EVC2: variants seen among roughly 807,000 people sequenced by gnomAD.
EVC2 encodes limbin.
EVC2 carries 148 observed loss-of-function variants against 149.3 expected under a neutral mutation model. The ratio of observed to expected loss-of-function variants is 0.99; its 90% confidence interval spans 0.87 to 1.14. EVC2 has a LOEUF of 1.14. EVC2 is among the 50% of genes most tolerant of loss of function. EVC2 has a pLI of 0.00. For synonymous variants in EVC2, 776 were observed against 649.9 expected (o/e 1.19, Z -2.95); for missense variants, 1,854 against 1,627.3 (o/e 1.14, Z -2.40).
In EVC2 at chr4:5,580,936, A is replaced by G. The variant is rs1711708937; in HGVS notation, c.3057+3687T>C. On this transcript the variant is annotated intron_variant, in intron 17 of 21. Transcript: ENST00000344408. ...GATCTTATGATAGTGAGTGAGTTGTAGTGAGATCTGGTTGTTTAAAACTGT... is the reference window on the plus strand; with the variant it reads ...GATCTTATGATAGTGAGTGAGTTGTGGTGAGATCTGGTTGTTTAAAACTGT... Among the ~76,000 whole-genome samples the G allele has an allele frequency of 2.0e-5, 3 of 152,136 alleles. 1 individual carries two copies. In the South Asian group the frequency reaches 6.2e-4, roughly 31 times the overall value.
downstream of EVC2, among the ~76,000 whole-genome samples, chr4:5,538,669 T>C (rs1437224796): frequency 1.3e-5 from 2 of 152,332 alleles, no homozygotes; most frequent in African/African-American, 4.8e-5. Flanking sequence ...TGATTTAATA[T>C]TTTTTAAAAA....
Position 5,574,711 on chromosome 4 carries a change from C to T in EVC2, c.3334G>A (p.Asp1112Asn). ...LEDLLENMEA[D>N]TFATLCSQEL... ...TGGCTGCACAGGGTTGCAAAGGTGT[C>T]TGCCTCCATGTTTTCCAACAAGTCT... The change falls in exon 19 of 22, where the codon GAC becomes AAC. Residue 1112 changes from aspartate (D) to asparagine (N), a missense_variant. Coordinates refer to ENST00000344408, the MANE Select transcript of EVC2 (RefSeq NM_147127.5). 6.2e-7 allele frequency: 1 copy of T among 1,614,198 alleles called. No individual in the cohort carries two copies. The highest frequency in any genetic ancestry group is 1.1e-5 in the South Asian group (1 of 91,084).
chr4:5,579,226 C>A (rs897282825), intron 17 of EVC2, among the ~76,000 whole-genome samples: 1 of 152,076 alleles, frequency 6.6e-6, no homozygotes, highest in Admixed American at 6.6e-5. Flanking sequence ...GGAACATGGG[C>A]TTTGGAGGCA....
At chr4:5,559,831 A>G (rs1013991555), downstream of EVC2, among the ~76,000 whole-genome samples, 6 of 152,178 alleles carry the variant, frequency 3.9e-5, no homozygotes, top group African/African-American at 1.4e-4. This position sits in a 1 kb window ranked among gnomAD's most constrained non-coding sequence, Gnocchi z 5.0. Context: ...TCTCCCATGC[A>G]GAATTCCAAA....
At chr4:5,619,803 C>T (rs1715546903) in intron 14 of EVC2, among the ~76,000 whole-genome samples, 1 of 152,170 alleles carries the variant, frequency 6.6e-6, no homozygotes, top group Non-Finnish European at 1.5e-5. Flanking sequence ...TTCTGGCCCA[C>T]AAGATGTAAG....
At chr4:5,585,638 T>C (rs2097398274) in intron 16 of EVC2, among the ~76,000 whole-genome samples, 1 of 152,122 alleles carries the variant, frequency 6.6e-6, no homozygotes, top group South Asian at 2.1e-4. Context: ...CTGCACATAT[T>C]TACAGTACAC....
chr4:5,632,277 G>A (rs1468675983), intron 10 of EVC2, among the ~76,000 whole-genome samples: 1 of 152,066 alleles, frequency 6.6e-6, no homozygotes, highest in South Asian at 2.1e-4. Context: ...ACGCACACAT[G>A]GGCACACACA....
At chr4:5,688,752 G>T (rs1418823706) in intron 5 of EVC2, among the ~76,000 whole-genome samples, 1 of 152,116 alleles carries the variant, frequency 6.6e-6, no homozygotes, top group Non-Finnish European at 1.5e-5. Flanking sequence ...CTCCCACTCT[G>T]TCCGGCACAA....
chr4:5,634,480 G>A (rs912328713), intron 10 of EVC2, among the ~76,000 whole-genome samples: 1 of 152,126 alleles, frequency 6.6e-6, no homozygotes, highest in Non-Finnish European at 1.5e-5. Context: ...ATGAAATACG[G>A]GGTAATTTCC....
rs368346258 is a variant in EVC2, at chr4:5,610,112, G to T, written c.2829+5310C>A. Among the ~76,000 whole-genome samples the T allele has an allele frequency of 4.6e-4, 70 of 152,230 alleles. No individual in the cohort carries two copies. In the East Asian group the frequency reaches 9.9e-3, roughly 21 times the overall value. On this transcript the variant is annotated intron_variant, in intron 16 of 21. Coordinates refer to ENST00000344408, the MANE Select transcript of EVC2 (RefSeq NM_147127.5). ...AATGACAGTGGCACTTCTGTTACAG[G>T]CTGTGTGAGGATTAGAGTGGATAGA... is the stretch of plus-strand genomic sequence containing the variant.
intron 21 of EVC2, among the ~76,000 whole-genome samples, chr4:5,551,090 A>C (rs1721727506): frequency 1.3e-5 from 2 of 152,210 alleles, no homozygotes; most frequent in Non-Finnish European, 2.9e-5. Context: ...GCAGTGTGAA[A>C]GGAAAATGTG....
intron 9 of EVC2, among the ~76,000 whole-genome samples, chr4:5,653,997 T>C (rs1432907241): frequency 6.6e-6 from 1 of 152,156 alleles, no homozygotes; most frequent in African/African-American, 2.4e-5. Context: ...GCGGATCACC[T>C]GAGGTAAGGA....
At chr4:5,535,166 G>A in the EVC2 span, among the ~76,000 whole-genome samples, 10 of 152,174 alleles carry the variant, frequency 6.6e-5, no homozygotes, top group East Asian at 1.9e-4. This position sits in a 1 kb window ranked among gnomAD's most constrained non-coding sequence, Gnocchi z 4.7. Flanking sequence ...ACCGCCCATC[G>A]CCATCTCCAG....
At chr4:5,660,311 A>G (rs1360526763) in intron 9 of EVC2, among the ~76,000 whole-genome samples, 1 of 152,190 alleles carries the variant, frequency 6.6e-6, no homozygotes, top group Non-Finnish European at 1.5e-5. Flanking sequence ...CTCTGTGAGG[A>G]AGGAGCACCC....
Position 5,677,474 on chromosome 4 carries a change from G to A in EVC2, c.870+3786C>T, listed in dbSNP as rs1011040373. ...GGCTGAAATCCAGCCCCAGCTCCAC[G>A]GCCAGGACTTGCATCCACAGGTCTG... On this transcript the variant is annotated intron_variant, in intron 7 of 21. Coordinates refer to ENST00000344408, the MANE Select transcript of EVC2 (RefSeq NM_147127.5). The surrounding 1 kb of genome is among the most constrained non-coding windows in gnomAD (Gnocchi z 4.3). Among the ~76,000 whole-genome samples, 26 of 152,170 alleles carry A rather than the reference G, an allele frequency of 1.7e-4. No individual in the cohort carries two copies. Among genetic ancestry groups the A allele is most frequent in the Non-Finnish European group, 3.7e-4 (25 of 68,030 alleles).
At chr4:5,603,012 ATTAT>A (rs1219698363) in intron 16 of EVC2, among the ~76,000 whole-genome samples, 1 of 152,188 alleles carries the variant, frequency 6.6e-6, no homozygotes, top group East Asian at 1.9e-4. Context: ...GCCTTGTAGA[ATTAT>A]TTGACTGTTT....
At chr4:5,550,742 C>T (rs1303928521) in intron 21 of EVC2, among the ~76,000 whole-genome samples, 2 of 152,198 alleles carry the variant, frequency 1.3e-5, no homozygotes, top group Admixed American at 6.5e-5. Context: ...TCACAGCAGC[C>T]CCTACCATCA....
intron 6 of EVC2, among the ~76,000 whole-genome samples, chr4:5,682,934 C>G (rs1424635139): frequency 6.6e-6 from 1 of 151,890 alleles, no homozygotes; most frequent in African/African-American, 2.4e-5. Flanking sequence ...CCATGTAATT[C>G]TCATTACAGA....
chr4:5,596,279 C>T (rs1713409439), intron 16 of EVC2, among the ~76,000 whole-genome samples: 1 of 152,166 alleles, frequency 6.6e-6, no homozygotes, highest in African/African-American at 2.4e-5. Flanking sequence ...TTTCTCAGCA[C>T]CACACCACAC....
Sources: gnomAD v4.1 joint callset for allele counts (sites outside exome capture counted in the v4.1 genomes callset) on GRCh38, gnomAD v4.1.1 for gene constraint, Gnocchi (gnomAD v3.1) non-coding constraint, MANE v1.5 for transcripts, NCBI Gene and HGNC (gene_info 2026-07-23, HGNC 2026-07-21) for gene names.